Variants in TLN2 observed in about 807,000 individuals in gnomAD.
The protein encoded by TLN2 is talin 2.
In TLN2, 118 loss-of-function variants were observed where a neutral mutation model predicts 294.7. That is an observed-to-expected ratio of 0.40 (90% CI 0.34 to 0.47). TLN2 has a LOEUF of 0.47. TLN2 is among the 20% of genes least tolerant of loss of function. The pLI is 0.84. For synonymous variants in TLN2, 1,431 were observed against 1,304.5 expected (o/e 1.10, Z -2.09); for missense variants, 3,083 against 3,282.2 (o/e 0.94, Z 1.48).
intron 24 of TLN2, 125 bp from the exon 25 acceptor site, chr15:62,719,642 G>A (rs1232443132): frequency 1.5e-6 from 1 of 666,168 alleles, no homozygotes; most frequent in East Asian, 3.0e-5. Flanking sequence ...TCTATCCAAG[G>A]TCTGGGGCTG....
At position 62,819,932 on chromosome 15, in the gene TLN2, A is replaced by G. The variant is rs1253855079; in HGVS notation, c.6877+311A>G. Among the ~76,000 whole-genome samples the G allele has an allele frequency of 1.3e-5, 2 of 152,144 alleles. 1 individual carries two copies. The highest frequency in any genetic ancestry group is 1.3e-4 in the Admixed American group (2 of 15,284). ...TTTGTCTGCATTTTCATTCATCAGG[A>G]TATTTATTCTCCTTCAAATAGTACT... On this transcript the variant is annotated intron_variant, in intron 53 of 58. Transcript: ENST00000636159.
At position 62,578,499 on chromosome 15, in the gene TLN2, G is replaced by T. The variant is rs112536682; in HGVS notation, c.-237-11188G>T. 9.3e-3 allele frequency among the ~76,000 whole-genome samples: 1,411 copies of T among 152,264 alleles called. 20 individuals are homozygous for T. Among genetic ancestry groups the T allele is most frequent in the African/African-American group, 0.032 (1,349 of 41,564 alleles). On this transcript the variant is annotated intron_variant, in intron 1 of 58. Coordinates refer to ENST00000636159, the MANE Select transcript of TLN2 (RefSeq NM_015059.3). ...GGAGAATCACTTGAACCCGGGAGGT[G>T]GAGGTTGCAGTGAGTGAGATTGCGC...
chr15:62,646,030 A>T (rs932145171), intron 3 of TLN2, among the ~76,000 whole-genome samples: 3 of 152,216 alleles, frequency 2.0e-5, no homozygotes, highest in Non-Finnish European at 4.4e-5. Flanking sequence ...CACTGGAAAT[A>T]CACCGTGAGC....
chr15:62,719,904 G>T, intron 25 of TLN2, 24 bp downstream of exon 25: 13 of 1,565,932 alleles, frequency 8.3e-6, no homozygotes, highest in Non-Finnish European at 1.0e-5. Context: ...GGTCACCTTG[G>T]GCTCACTCAG....
chr15:62,523,878 C>T (rs1476683835), intron 1 of TLN2, among the ~76,000 whole-genome samples: 2 of 152,152 alleles, frequency 1.3e-5, no homozygotes, highest in African/African-American at 2.4e-5. Context: ...TGTATGAATG[C>T]GAGATATGCT....
At chr15:62,710,067 C>G (rs2059327109) in intron 21 of TLN2, among the ~76,000 whole-genome samples, 2 of 152,308 alleles carry the variant, frequency 1.3e-5, no homozygotes, top group African/African-American at 2.4e-5. Context: ...GTATGTTAAT[C>G]TTTTTAGTGG....
chr15:62,713,160 T>G (rs1031552492), intron 22 of TLN2, among the ~76,000 whole-genome samples: 24 of 149,414 alleles, frequency 1.6e-4, no homozygotes, highest in African/African-American at 5.7e-4. Flanking sequence ...TTCCACCTAC[T>G]CGGGAGGCTG....
intron 30 of TLN2, among the ~76,000 whole-genome samples, chr15:62,738,762 C>T (rs1030456279): frequency 6.6e-6 from 1 of 152,130 alleles, no homozygotes; most frequent in African/African-American, 2.4e-5. Context: ...TGTGCTGGTG[C>T]ATCTTTGTTT....
intron 52 of TLN2, among the ~76,000 whole-genome samples, chr15:62,815,099 T>C (rs1415430603): frequency 1.3e-5 from 2 of 151,930 alleles, no homozygotes; most frequent in African/African-American, 4.8e-5. Flanking sequence ...GAAAAGAATA[T>C]CTACTAAAAT....
chr15:62,713,653 C>T (rs942934289), intron 22 of TLN2, among the ~76,000 whole-genome samples: 3 of 151,850 alleles, frequency 2.0e-5, no homozygotes, highest in East Asian at 1.9e-4. Flanking sequence ...CATTCCATCC[C>T]GGGAGATACT....
At position 62,781,134 on chromosome 15, in the gene TLN2, CTG is replaced by C; in HGVS notation, c.5515-4_5515-3del. On this transcript the variant is annotated splice_region_variant and splice_polypyrimidine_tract_variant and intron_variant, in intron 43 of 58. Transcript: ENST00000636159. ...GACCTTTGGATTCTTTTCCTCTCCTCTGTAGCTGGATGAAGGCACTCCTCCAG... is the reference window on the plus strand; with the variant it reads ...GACCTTTGGATTCTTTTCCTCTCCTCTAGCTGGATGAAGGCACTCCTCCAG... 2 of 1,611,550 alleles carry C rather than the reference CTG, an allele frequency of 1.2e-6. No individual in the cohort carries two copies. Among genetic ancestry groups the C allele is most frequent in the African/African-American group, 2.7e-5 (2 of 74,996 alleles).
rs567045787 is a variant in TLN2 at position 62,816,009 on chromosome 15, A to G, written c.6772-3507A>G. Among the ~76,000 whole-genome samples, 4 of 152,314 alleles carry G rather than the reference A, an allele frequency of 2.6e-5. No homozygotes were observed. The South Asian group carries it at 6.2e-4, about 24-fold the overall frequency. On this transcript the variant is annotated intron_variant, in intron 52 of 58. Coordinates refer to ENST00000636159, the MANE Select transcript of TLN2 (RefSeq NM_015059.3). ...TCTTGCCTTCTGCAACCGTCATCAA[A>G]GAAACATCAGCACAGACACACAGGT...
At chr15:62,613,298 G>A (rs2048061916) in intron 2 of TLN2, among the ~76,000 whole-genome samples, 1 of 152,184 alleles carries the variant, frequency 6.6e-6, no homozygotes, top group Non-Finnish European at 1.5e-5. Context: ...GTTGCAGGGA[G>A]AGGGCAGAAA....
At chr15:62,646,208 G>A (rs2051815873) in intron 3 of TLN2, among the ~76,000 whole-genome samples, 1 of 151,522 alleles carries the variant, frequency 6.6e-6, no homozygotes, top group Non-Finnish European at 1.5e-5. Flanking sequence ...TGTTGCCCAG[G>A]CTGGAGTGCA....
At chr15:62,445,018 G>A (rs1311388584) in intron 1 of TLN2, among the ~76,000 whole-genome samples, 2 of 152,218 alleles carry the variant, frequency 1.3e-5, no homozygotes, top group African/African-American at 4.8e-5. Flanking sequence ...TAACCATGGA[G>A]TTACCAGGCA....
intron 12 of TLN2, among the ~76,000 whole-genome samples, chr15:62,688,791 A>G (rs1377486837): frequency 6.6e-6 from 1 of 152,120 alleles, no homozygotes; most frequent in Non-Finnish European, 1.5e-5. Context: ...TCTGAAGTCT[A>G]CTGTATCTAA....
At chr15:62,738,191 C>T in intron 29 of TLN2, 23 bp from the exon 30 acceptor site, 2 of 1,612,352 alleles carry the variant, frequency 1.2e-6, no homozygotes, top group Non-Finnish European at 1.7e-6. Context: ...CTTAAAGGTG[C>T]TTCTCTCTCT....
At chr15:62,688,361 G>A (rs2057472130) in intron 12 of TLN2, among the ~76,000 whole-genome samples, 1 of 152,100 alleles carries the variant, frequency 6.6e-6, no homozygotes, top group African/African-American at 2.4e-5. Flanking sequence ...ATTATGGTCA[G>A]AGAACATACT....
At position 62,809,965 on chromosome 15, in the gene TLN2, C is replaced by A. The variant is rs939365004; in HGVS notation, c.6704C>A (p.Thr2235Asn). The A allele has an allele frequency of 3.1e-6, 5 of 1,614,138 alleles. No individual in the cohort carries two copies. The highest frequency in any genetic ancestry group is 4.2e-6 in the Non-Finnish European group (5 of 1,180,042). ...FHPDVSDEVR[T>N]RALRFGTECT... Reference sequence around the variant, plus strand: ...CCCGATGTCAGTGACGAGGTGAGAACCAGAGCCTTGCGTTTCGGGACGGAG... The same window carrying A: ...CCCGATGTCAGTGACGAGGTGAGAAACAGAGCCTTGCGTTTCGGGACGGAG... Residue 2235 changes from threonine to asparagine, a missense_variant, in exon 52 of 59, where the codon ACC becomes AAC. Physicochemically the swap from Thr to Asn is moderately conservative, Grantham distance 65. Coordinates refer to ENST00000636159, the MANE Select transcript of TLN2 (RefSeq NM_015059.3).
Sources: allele counts gnomAD v4.1 joint callset (sites outside exome capture counted in the v4.1 genomes callset), GRCh38; gene constraint gnomAD v4.1.1; transcripts MANE v1.5; gene names NCBI Gene and HGNC (gene_info 2026-07-23, HGNC 2026-07-21).